C8orf34: variants seen among roughly 807,000 people sequenced by gnomAD.
The protein encoded by C8orf34 is chromosome 8 open reading frame 34, also known as uncharacterized protein C8orf34.
C8orf34 carries 65 observed loss-of-function variants against 68.3 expected under a neutral mutation model. The observed-to-expected ratio is 0.95, with a 90% CI of 0.78 to 1.17. The LOEUF (loss-of-function observed/expected upper bound fraction) is 1.17. Ranked by LOEUF, C8orf34 falls within the 50% of genes most tolerant of loss-of-function variation. The pLI is 0.00. For missense variants in C8orf34, 664 were observed against 655.4 expected (o/e 1.01, Z -0.14); for synonymous variants, 244 against 241.2 (o/e 1.01, Z -0.11).
intron 6 of C8orf34, among the ~76,000 whole-genome samples, chr8:68,523,444 G>A (rs947385156): frequency 3.9e-5 from 6 of 151,938 alleles, no homozygotes; most frequent in Admixed American, 1.3e-4. Context: ...TAATCCTAGC[G>A]GACTCCCTTA....
chr8:68,743,107 T>C (rs143373801), intron 10 of C8orf34, among the ~76,000 whole-genome samples: 143 of 152,320 alleles, frequency 9.4e-4, no homozygotes, highest in African/African-American at 3.3e-3. Flanking sequence ...AGTCCAGCTC[T>C]CCTATTATTA....
intron 1 of C8orf34, among the ~76,000 whole-genome samples, chr8:68,435,331 G>A (rs1810619891): frequency 6.6e-6 from 1 of 151,912 alleles, no homozygotes. Context: ...TGCTAAATAG[G>A]GTTTATTAAA....
At chr8:68,794,299 G>T (rs1479996854) in intron 12 of C8orf34, among the ~76,000 whole-genome samples, 1 of 150,700 alleles carries the variant, frequency 6.6e-6, no homozygotes, top group African/African-American at 2.5e-5. Context: ...AGCCTCCCAA[G>T]TAGCTGGGAC....
intron 7 of C8orf34, among the ~76,000 whole-genome samples, chr8:68,559,363 T>C (rs537405008): frequency 7.9e-5 from 12 of 152,346 alleles, no homozygotes; most frequent in Non-Finnish European, 8.8e-5. Flanking sequence ...TATATTAGTA[T>C]AGTTTTTAAA....
At chr8:68,747,965 A>G (rs1822562573) in intron 10 of C8orf34, among the ~76,000 whole-genome samples, 2 of 151,996 alleles carry the variant, frequency 1.3e-5, no homozygotes, top group East Asian at 3.9e-4. Context: ...TGGAGACATC[A>G]CACTACCTGA....
At chr8:68,494,843 G>A (rs1057354434) in intron 5 of C8orf34, among the ~76,000 whole-genome samples, 40 of 151,338 alleles carry the variant, frequency 2.6e-4, no homozygotes, top group Non-Finnish European at 1.9e-4. Context: ...GTGACAGAGT[G>A]AGACTCCATC....
At chr8:68,398,617 G>A (rs1808816832) in intron 1 of C8orf34, among the ~76,000 whole-genome samples, 1 of 152,128 alleles carries the variant, frequency 6.6e-6, no homozygotes, top group African/African-American at 2.4e-5. Context: ...GTATATCAAA[G>A]TATTATGTGG....
chr8:68,505,277 T>C (rs921827426), intron 5 of C8orf34, among the ~76,000 whole-genome samples: 2 of 152,248 alleles, frequency 1.3e-5, no homozygotes, highest in Non-Finnish European at 2.9e-5. Flanking sequence ...CATTTTTAAA[T>C]GACTAATTAT....
intron 8 of C8orf34, among the ~76,000 whole-genome samples, chr8:68,650,066 AAG>A (rs1491080947): frequency 1.3e-5 from 2 of 151,848 alleles, no homozygotes; most frequent in Admixed American, 6.6e-5. Context: ...AGAAAAAAAA[AAG>A]AAATATTAAA....
intron 8 of C8orf34, among the ~76,000 whole-genome samples, chr8:68,647,553 T>C (rs1363305187): frequency 6.6e-6 from 1 of 152,140 alleles, no homozygotes; most frequent in Non-Finnish European, 1.5e-5. Context: ...TGACACATTG[T>C]ACTGGGAATG....
chr8:68,333,756 T>C (rs1805730684), intron 1 of C8orf34, among the ~76,000 whole-genome samples: 1 of 152,210 alleles, frequency 6.6e-6, no homozygotes. Flanking sequence ...CAATTTTAAT[T>C]TCTGGGCCAC....
chr8:68,414,347 ATGT>A (rs1809571042), intron 1 of C8orf34, among the ~76,000 whole-genome samples: 1 of 152,220 alleles, frequency 6.6e-6, no homozygotes, highest in Non-Finnish European at 1.5e-5. Flanking sequence ...TACTATAAAT[ATGT>A]TGTATGAAAG....
chr8:68,629,411 G>A (rs79148354), intron 7 of C8orf34, among the ~76,000 whole-genome samples: 1,639 of 152,210 alleles, frequency 0.011, 31 homozygotes, highest in African/African-American at 0.037. Context: ...CTGAAATTAC[G>A]TTTCAATACA....
chr8:68,709,404 G>A (rs550144240), intron 9 of C8orf34, among the ~76,000 whole-genome samples: 2 of 152,126 alleles, frequency 1.3e-5, no homozygotes, highest in Non-Finnish European at 2.9e-5. Context: ...ATTGTCAGCT[G>A]GATTTCTAGA....
chr8:68,613,680 A>G (rs1818098836), intron 7 of C8orf34, among the ~76,000 whole-genome samples: 1 of 151,594 alleles, frequency 6.6e-6, no homozygotes, highest in Admixed American at 6.6e-5. Context: ...TTCTTAATCC[A>G]GTCTATCATT....
At chr8:68,493,990 A>G (rs1252887515) in intron 5 of C8orf34, among the ~76,000 whole-genome samples, 2 of 152,226 alleles carry the variant, frequency 1.3e-5, no homozygotes, top group Admixed American at 6.5e-5. Context: ...CTAAGATACC[A>G]TATTATGAAG....
chr8:68,706,460 G>A (rs1821168952), intron 8 of C8orf34, among the ~76,000 whole-genome samples: 1 of 151,078 alleles, frequency 6.6e-6, no homozygotes, highest in South Asian at 2.1e-4. Context: ...AAGCAGGAGG[G>A]GACACTCCCT....
intron 6 of C8orf34, chr8:68,530,646 T>A (rs1263290220): frequency 8.3e-7 from 1 of 1,203,196 alleles, no homozygotes; most frequent in Admixed American, 2.8e-5. Context: ...GGCAAGAGAC[T>A]GAAGCTAAAT....
At chr8:68,666,464 A>G (rs1794178219) in intron 8 of C8orf34, among the ~76,000 whole-genome samples, 1 of 152,236 alleles carries the variant, frequency 6.6e-6, no homozygotes, top group Non-Finnish European at 1.5e-5. Flanking sequence ...AGTTATTAAA[A>G]AGGCAGAAAT....
Sources: gnomAD v4.1 joint callset for allele counts (sites outside exome capture counted in the v4.1 genomes callset) on GRCh38, gnomAD v4.1.1 for gene constraint, MANE v1.5 for transcripts, NCBI Gene and HGNC (gene_info 2026-07-23, HGNC 2026-07-21) for gene names.